The following NECAB3 variants were observed in gnomAD, a reference collection of about 807,000 sequenced individuals.
NECAB3 encodes the protein N-terminal EF-hand calcium-binding protein 3.
NECAB3 carries 38 observed loss-of-function variants against 57.2 expected under a neutral mutation model. That is an observed-to-expected ratio of 0.66 (90% CI 0.51 to 0.87). The LOEUF (loss-of-function observed/expected upper bound fraction) is 0.87, where lower values mean the gene tolerates loss of function less well. Among genes scored for constraint, NECAB3 ranks in the 40% least tolerant of loss-of-function variants. The pLI, the probability that NECAB3 is intolerant of heterozygous loss-of-function variation, is 0.00. For synonymous variants in NECAB3, 223 were observed against 222.6 expected, an observed-to-expected ratio of 1.00 and a Z score of -0.02; for missense variants, 474 against 527.5, an observed-to-expected ratio of 0.90 and a Z score of 0.99.
At chr20:33,668,193 C>T (rs367724171) in intron 5 of NECAB3, 2 of 1,608,220 alleles carry the variant, frequency 1.2e-6, no homozygotes, top group Admixed American at 1.7e-5. Flanking sequence ...GGGCCATGTA[C>T]CAGGAGTGTG....
At position 33,662,837 on chromosome 20, in the gene NECAB3, CTG is replaced by C. The variant is rs1157615689; in HGVS notation, c.388-2444_388-2443del. ...CCCGCAGTCCCAGCTACTCAGAAGA[CTG>C]AGGTGGACTACGTGAGCCCAGGAGG... On this transcript the variant is annotated intron_variant, in intron 5 of 11. Coordinates refer to ENST00000246190, the MANE Select transcript of NECAB3 (RefSeq NM_031232.4). 9 of 228,458 alleles carry C rather than the reference CTG, an allele frequency of 3.9e-5. No homozygotes were observed. In the East Asian group the frequency reaches 1.1e-3, roughly 29 times the overall value. The allele number at this position is 228,458 out of a possible 1,614,324, so 14.2% of individuals were successfully genotyped here. A position where few individuals can be genotyped will look rare whatever the true frequency, so the allele number is the denominator to read the frequency against.
intron 2 of NECAB3, among the ~76,000 whole-genome samples, chr20:33,671,869 C>T (rs1568903551): frequency 6.6e-6 from 1 of 152,324 alleles, no homozygotes; most frequent in East Asian, 1.9e-4. Flanking sequence ...GATGGTTGGT[C>T]ACATGACAAG....
chr20:33,662,257 T>C (rs2017499454), intron 5 of NECAB3: 3 of 1,496,514 alleles, frequency 2.0e-6, no homozygotes, highest in Admixed American at 2.1e-5. Context: ...ATTGGTGAGG[T>C]CAGCCCGTGA....
chr20:33,659,782 AG>A (rs766930853), intron 7 of NECAB3, 50 bp from the exon 8 acceptor site: 193 of 1,535,664 alleles, frequency 1.3e-4, no homozygotes, highest in Non-Finnish European at 1.6e-4. Context: ...CAGGTCCCGC[AG>A]GTGCTCAGAA....
chr20:33,671,075 T>C (rs2017819426), intron 2 of NECAB3, among the ~76,000 whole-genome samples: 1 of 151,996 alleles, frequency 6.6e-6, no homozygotes, highest in South Asian at 2.1e-4. Context: ...GTTTGCCAAG[T>C]GAAAAAACAA....
chr20:33,662,074 A>C (rs1263058951), intron 5 of NECAB3: 1 of 344,876 alleles, frequency 2.9e-6, no homozygotes, highest in Non-Finnish European at 5.3e-6. Flanking sequence ...GCAGGGCCAA[A>C]ATTCATACCC....
chr20:33,660,360 CACAA>C lies in NECAB3; in HGVS notation c.419_422del (p.Phe140Ter). ...CCGTCTCCCGCAGCAGGAAGCGCGT[CACAA>C]ACTGGTCCACTTTGGAGGCCCTCTC... On this transcript the variant is annotated frameshift_variant, in exon 6 of 12. Transcript: ENST00000246190. LOFTEE classifies it high-confidence loss of function. This position sits in a 1 kb window ranked among gnomAD's most constrained non-coding sequence, Gnocchi z 4.1. The C allele has an allele frequency of 6.2e-7, 1 of 1,613,712 alleles. No homozygotes were observed. Among genetic ancestry groups the C allele is most frequent in the South Asian group, 1.1e-5 (1 of 91,080 alleles).
In NECAB3 at chr20:33,659,562, C is replaced by T. The variant is rs752071555; in HGVS notation, c.814G>A (p.Val272Met). The T allele has an allele frequency of 6.3e-7, 1 of 1,579,530 alleles. No homozygotes were observed. The highest frequency in any genetic ancestry group is 2.3e-5 in the East Asian group (1 of 43,542). ...GPCWRPGPHS[V>M]PSQAPRLEPL... ...TCCAGCCGGGGGGCCTGTGAGGGCA[C>T]AGAGTGTGGGCCGGGCCTCCAGCAT... is the stretch of plus-strand genomic sequence containing the variant. Residue 272 changes from valine (V) to methionine (M), a missense_variant, in exon 8 of 12, where the codon GTG becomes ATG. Val to Met is a conservative substitution (Grantham distance 21, BLOSUM62 1). Transcript: ENST00000246190.
chr20:33,666,347 C>T (rs1223780484), intron 5 of NECAB3, among the ~76,000 whole-genome samples: 3 of 152,238 alleles, frequency 2.0e-5, no homozygotes, highest in African/African-American at 4.8e-5. Flanking sequence ...GCCAAAATCA[C>T]TGCCCTTGGC....
Position 33,663,652 on chromosome 20 carries a change from G to C in NECAB3, c.388-3257C>G, listed in dbSNP as rs770635433. 2.5e-6 allele frequency: 4 copies of C among 1,597,776 alleles called. No individual in the cohort carries two copies. The South Asian group carries it at 4.4e-5, about 18-fold the overall frequency. ...CCCGGCGGCACCCAGATTGCGCGGA[G>C]CGGGCGAAGGTAGCGAGCGCGAGCC... On this transcript the variant is annotated intron_variant, in intron 5 of 11. Coordinates refer to ENST00000246190, the MANE Select transcript of NECAB3 (RefSeq NM_031232.4).
At chr20:33,670,430 A>C (rs1601174721) in intron 3 of NECAB3, 3 of 404,244 alleles carry the variant, frequency 7.4e-6, no homozygotes, top group East Asian at 4.3e-5. Context: ...CCCTGTGGGA[A>C]GCGGGAATGG....
In NECAB3 at chr20:33,657,950, A is replaced by G. The variant is rs1568889769; in HGVS notation, c.1154T>C (p.Phe385Ser). ...GGGGGTCCACCGCATACCTGGGAAGAACACAGTGGTGAGGGTGTCCGGGGC... is the reference window on the plus strand; with the variant it reads ...GGGGGTCCACCGCATACCTGGGAAGGACACAGTGGTGAGGGTGTCCGGGGC... ...LRAPDTLTTV[F>S]FPASWWIMNN... is the part of the protein sequence containing the mutation. Residue 385 changes from phenylalanine (F) to serine (S), a missense_variant, in exon 11 of 12, where the codon TTC (phenylalanine) becomes TCC (serine). Transcript: ENST00000246190. The G allele has an allele frequency of 6.4e-6, 10 of 1,557,110 alleles. No individual in the cohort carries two copies. The highest frequency in any genetic ancestry group is 1.9e-5 in the Admixed American group (1 of 51,780).
chr20:33,658,385 A>G, intron 10 of NECAB3, 92 bp downstream of exon 10: 1 of 1,319,236 alleles, frequency 7.6e-7, no homozygotes, highest in East Asian at 2.3e-5. Flanking sequence ...GAGGTCACAG[A>G]GCCAGTGAGC....
At chr20:33,667,524 C>G (rs904925164) in intron 5 of NECAB3, 21 of 1,534,370 alleles carry the variant, frequency 1.4e-5, no homozygotes, top group Admixed American at 1.9e-5. Context: ...TGCTGGCGCT[C>G]TGCTCCACCG....
At position 33,658,571 on chromosome 20, in the gene NECAB3, A is replaced by T. The variant is rs1287763591; in HGVS notation, c.993-17T>A. 5 of 1,613,654 alleles carry T rather than the reference A, an allele frequency of 3.1e-6. No individual in the cohort carries two copies. In the African/African-American group the frequency reaches 5.3e-5, roughly 17 times the overall value. ...GCGGACACACTGTAGGGCCAAAGAG[A>T]TGGGCAGGCCAGGCCAGGGCTGCCA... On this transcript the variant is annotated splice_polypyrimidine_tract_variant and intron_variant, in intron 9 of 11. Transcript: ENST00000246190.
chr20:33,658,008 C>G lies in NECAB3; in HGVS notation c.1096G>C (p.Ala366Pro). 1.9e-6 allele frequency: 3 copies of G among 1,553,616 alleles called. No homozygotes were observed. The highest frequency in any genetic ancestry group is 2.6e-6 in the Non-Finnish European group (3 of 1,148,396). The change falls in exon 11 of 12, where the codon GCC becomes CCC. Residue 366 changes from alanine (A) to proline (P), a missense_variant. Coordinates refer to ENST00000246190, the MANE Select transcript of NECAB3 (RefSeq NM_031232.4). Reference protein sequence around the residue: ...RRHQQSPGSKAFQRILIDHLR... With the variant: ...RRHQQSPGSKPFQRILIDHLR... ...TGGTCGATGAGGATGCGCTGGAAGG[C>G]CTTGCTGCCAGGCGACTGCTGGTGC... is the stretch of plus-strand genomic sequence containing the variant.
chr20:33,668,310 G>A, intron 5 of NECAB3: 1 of 1,515,062 alleles, frequency 6.6e-7, no homozygotes, highest in South Asian at 1.3e-5. Flanking sequence ...GTTTGGAGCT[G>A]GCAGGGTCCT....
At chr20:33,674,166 T>C in intron 1 of NECAB3, 58 bp downstream of exon 1, 1 of 1,226,698 alleles carries the variant, frequency 8.2e-7, no homozygotes, top group Non-Finnish European at 1.0e-6. Context: ...CCCCGGAGGG[T>C]GAGACTAACA....
At chr20:33,671,773 G>A (rs6119396) in intron 2 of NECAB3, among the ~76,000 whole-genome samples, 1,984 of 152,326 alleles carry the variant, frequency 0.013, 50 homozygotes, top group African/African-American at 0.046. Flanking sequence ...CAAGGCAGGA[G>A]GAGCCGACTC....
Sources: gnomAD v4.1 joint callset for allele counts (sites outside exome capture counted in the v4.1 genomes callset) on GRCh38, gnomAD v4.1.1 for gene constraint, Gnocchi (gnomAD v3.1) non-coding constraint, MANE v1.5 for transcripts, NCBI Gene and HGNC (gene_info 2026-07-23, HGNC 2026-07-21) for gene names.